FTCDNL1: variants seen among roughly 807,000 people sequenced by gnomAD.
FTCDNL1 encodes the protein formiminotransferase N-terminal subdomain-containing protein.
FTCDNL1 carries 11 observed loss-of-function variants against 5.9 expected under a neutral mutation model. The observed-to-expected ratio is 1.87, with a 90% CI of 1.18 to 3.10. The LOEUF (loss-of-function observed/expected upper bound fraction) is 3.10. FTCDNL1 is among the 30% of genes most tolerant of loss of function. The pLI, the probability that FTCDNL1 is intolerant of heterozygous loss-of-function variation, is 0.00. For synonymous variants in FTCDNL1, 58 were observed against 24.8 expected (o/e 2.34, Z -3.99); for missense variants, 115 against 65.5 (o/e 1.76, Z -2.61).
At chr2:199,769,622 G>A (rs541760778) in intron 3 of FTCDNL1, among the ~76,000 whole-genome samples, 16 of 152,226 alleles carry the variant, frequency 1.1e-4, no homozygotes, top group African/African-American at 2.6e-4. Context: ...TTTTTTCCCC[G>A]ATTCCTGCTT....
chr2:199,765,127 AT>A (rs1479836190), intron 3 of FTCDNL1, among the ~76,000 whole-genome samples: 1 of 152,186 alleles, frequency 6.6e-6, no homozygotes, highest in African/African-American at 2.4e-5. Context: ...TGCACAGATG[AT>A]TTTTAGGTAA....
At chr2:199,666,538 GC>G in the FTCDNL1 span, among the ~76,000 whole-genome samples, 1 of 152,176 alleles carries the variant, frequency 6.6e-6, no homozygotes, top group Non-Finnish European at 1.5e-5. Context: ...TGATTGGACA[GC>G]CATTAGAATC....
chr2:199,814,526 G>A (rs1315685844), intron 4 of FTCDNL1, among the ~76,000 whole-genome samples: 1 of 152,126 alleles, frequency 6.6e-6, no homozygotes, highest in East Asian at 1.9e-4. Flanking sequence ...TACAAACATA[G>A]GTACAAATTT....
chr2:199,756,234 C>T (rs751439433), downstream of FTCDNL1, among the ~76,000 whole-genome samples: 1 of 152,100 alleles, frequency 6.6e-6, no homozygotes, highest in Non-Finnish European at 1.5e-5. Context: ...TATTATTAAG[C>T]TTGTGAGACA....
rs553733667 is a variant in FTCDNL1 at position 199,835,349 on chromosome 2, A to G, written c.211+10726T>C. 1.2e-4 allele frequency among the ~76,000 whole-genome samples: 19 copies of G among 152,328 alleles called. No individual in the cohort carries two copies. The South Asian group carries it at 3.9e-3, about 32-fold the overall frequency. On this transcript the variant is annotated intron_variant, in intron 3 of 4. Transcript: ENST00000420128. ...TTATCTTACTACATATGTTTAGGTAATTAAAATTGGAGAATGAATTATTCA... is the reference window on the plus strand; with the variant it reads ...TTATCTTACTACATATGTTTAGGTAGTTAAAATTGGAGAATGAATTATTCA...
At chr2:199,762,165 G>C (rs945810149) in intron 3 of FTCDNL1, among the ~76,000 whole-genome samples, 1 of 152,196 alleles carries the variant, frequency 6.6e-6, no homozygotes, top group Admixed American at 6.5e-5. Context: ...TGGATCATGA[G>C]GTCAGGAGTT....
intron 3 of FTCDNL1, among the ~76,000 whole-genome samples, chr2:199,788,137 G>C (rs1238074585): frequency 2.0e-5 from 3 of 152,090 alleles, no homozygotes; most frequent in South Asian, 2.1e-4. Context: ...GAAGATGAAA[G>C]CTTATTTTTC....
the FTCDNL1 span, among the ~76,000 whole-genome samples, chr2:199,694,695 A>C: frequency 1.3e-5 from 2 of 152,072 alleles, no homozygotes; most frequent in African/African-American, 2.4e-5. Context: ...CTAGCTGGGC[A>C]TTGTGGCATG....
At chr2:199,727,752 A>G in the FTCDNL1 span, among the ~76,000 whole-genome samples, 1 of 151,928 alleles carries the variant, frequency 6.6e-6, no homozygotes, top group Admixed American at 6.6e-5. Context: ...CCAGAAACAG[A>G]ATTTGGCCTC....
the FTCDNL1 span, among the ~76,000 whole-genome samples, chr2:199,714,143 C>A: frequency 6.6e-6 from 1 of 152,052 alleles, no homozygotes; most frequent in East Asian, 1.9e-4. Context: ...GGACAAAATA[C>A]TGATATGTTT....
chr2:199,790,932 A>C (rs574885808), intron 3 of FTCDNL1, among the ~76,000 whole-genome samples: 4 of 152,308 alleles, frequency 2.6e-5, no homozygotes, highest in Non-Finnish European at 5.9e-5. Context: ...TTAACGCTGC[A>C]ATCTCAACTT....
At chr2:199,677,530 A>G in the FTCDNL1 span, among the ~76,000 whole-genome samples, 3 of 152,172 alleles carry the variant, frequency 2.0e-5, no homozygotes, top group Non-Finnish European at 4.4e-5. Flanking sequence ...GGAAGTTGAA[A>G]ATATAGCTTT....
At chr2:199,748,649 C>T in the FTCDNL1 span, among the ~76,000 whole-genome samples, 2 of 152,150 alleles carry the variant, frequency 1.3e-5, no homozygotes, top group African/African-American at 2.4e-5. Context: ...ATACTATTAG[C>T]GATAGTTCTA....
Position 199,780,635 on chromosome 2 carries a change from G to A in FTCDNL1, c.212-19800C>T, listed in dbSNP as rs77122349. Among the ~76,000 whole-genome samples, 12 of 152,202 alleles carry A rather than the reference G, an allele frequency of 7.9e-5. No homozygotes were observed. The East Asian group carries it at 1.9e-3, about 24-fold the overall frequency. On this transcript the variant is annotated intron_variant, in intron 3 of 3. Coordinates refer to the FTCDNL1 transcript ENST00000416668. ...CCCTTTGTCCCTAGGTAGCACTTCC[G>A]CTGATCTAGACAGCTTGGCAAAGTA...
At chr2:199,731,196 G>A in the FTCDNL1 span, among the ~76,000 whole-genome samples, 1 of 152,126 alleles carries the variant, frequency 6.6e-6, no homozygotes, top group African/African-American at 2.4e-5. Context: ...CCTGTCGAGG[G>A]GTTGGGGTAA....
chr2:199,798,026 T>A (rs1700256651), intron 3 of FTCDNL1, among the ~76,000 whole-genome samples: 1 of 152,180 alleles, frequency 6.6e-6, no homozygotes, highest in African/African-American at 2.4e-5. Flanking sequence ...TCATTTGATG[T>A]CTGTCTTTAT....
rs1337035982 is a variant in FTCDNL1, at chr2:199,811,041, T to C, written c.*1664A>G. Among the ~76,000 whole-genome samples, 1 of 152,200 alleles carries C rather than the reference T, an allele frequency of 6.6e-6. No homozygotes were observed. Among genetic ancestry groups the C allele is most frequent in the Non-Finnish European group, 1.5e-5 (1 of 68,046 alleles). On this transcript the variant is annotated 3_prime_UTR_variant, in exon 5 of 5. Coordinates refer to ENST00000420128, the MANE Select transcript of FTCDNL1 (RefSeq NM_001363886.2). ...ACATTTCATCTTTTTCCCACACATG[T>C]ACATAATGAAACATTTCAACTCCCG... is the stretch of plus-strand genomic sequence containing the variant.
the FTCDNL1 span, among the ~76,000 whole-genome samples, chr2:199,681,287 C>CTA: frequency 6.6e-6 from 1 of 151,738 alleles, no homozygotes; most frequent in African/African-American, 2.4e-5. Context: ...AACCCCATCT[C>CTA]TACTAATAAT....
chr2:199,744,464 A>C, the FTCDNL1 span, among the ~76,000 whole-genome samples: 1 of 152,088 alleles, frequency 6.6e-6, no homozygotes, highest in Non-Finnish European at 1.5e-5. Context: ...AGAGAGAGAG[A>C]GACAGAGAGA....
Sources: allele counts gnomAD v4.1 joint callset (sites outside exome capture counted in the v4.1 genomes callset), GRCh38; gene constraint gnomAD v4.1.1; transcripts MANE v1.5; gene names NCBI Gene and HGNC (gene_info 2026-07-23, HGNC 2026-07-21).